Variants in ZNF211 observed in about 807,000 individuals in gnomAD.
ZNF211 encodes zinc finger protein 211.
ZNF211 carries 18 observed loss-of-function variants against 12.1 expected under a neutral mutation model. The ratio of observed to expected loss-of-function variants is 1.48; its 90% CI spans 1.03 to 2.20. ZNF211 has a LOEUF of 2.20. ZNF211 is among the 30% of genes most tolerant of loss of function. The pLI is 0.00. For missense variants in ZNF211, 677 were observed against 703.1 expected (o/e 0.96, Z 0.42); for synonymous variants, 249 against 246.0 (o/e 1.01, Z -0.11).
In ZNF211 at chr19:57,634,118, G is replaced by A. The variant is rs189311314; in HGVS notation, c.129+57G>A. ...CTGGAATGTCCCTCCACCCTCCCCA[G>A]ACAGATATTTTCTTTAGATTTGTGG... On this transcript the variant is annotated intron_variant, in intron 2 of 3. Transcript: ENST00000240731. 1.1e-3 allele frequency: 1,650 copies of A among 1,494,162 alleles called. 6 individuals are homozygous for A. Among genetic ancestry groups the A allele is most frequent in the Non-Finnish European group, 9.8e-4 (1,089 of 1,116,148 alleles). The allele number at this position is 1,494,162 out of a possible 1,614,324, so 92.6% of individuals were successfully genotyped here.
rs1191309160 is a variant in ZNF211, at chr19:57,633,207, C to G, written c.-140C>G. The G allele has an allele frequency of 2.2e-5, 18 of 823,406 alleles. No individual in the cohort carries two copies. Among genetic ancestry groups the G allele is most frequent in the Non-Finnish European group, 3.0e-5 (17 of 563,190 alleles). 51.0% of individuals were successfully genotyped at this position (823,406 alleles called of 1,614,324 possible). ...GGCGTCTTCGCAGCGGTCATTTTGGCTGCCCTCCCGGAGGTCCGTTCTGTC... is the reference window on the plus strand; with the variant it reads ...GGCGTCTTCGCAGCGGTCATTTTGGGTGCCCTCCCGGAGGTCCGTTCTGTC... On this transcript the variant is annotated 5_prime_UTR_variant, in exon 1 of 4. Coordinates refer to ENST00000240731, the MANE Select transcript of ZNF211 (RefSeq NM_006385.5).
rs576804247 is a variant in ZNF211, at chr19:57,642,738, T to C, written c.*557T>C. On this transcript the variant is annotated 3_prime_UTR_variant, in exon 4 of 4. Coordinates refer to ENST00000240731, the MANE Select transcript of ZNF211 (RefSeq NM_006385.5). The stretch of plus-strand genomic sequence containing the variant: ...GCTTGTCTCACGTTGCTTTGTTTTT[T>C]ACAATAATAAAAGCATTATTATTTA... The C allele has an allele frequency of 6.5e-6, 1 of 153,162 alleles. No homozygotes were observed. The highest frequency in any genetic ancestry group is 2.4e-5 in the African/African-American group (1 of 41,592). 9.5% of individuals were successfully genotyped at this position (153,162 alleles called of 1,614,324 possible).
rs1213152958 is a variant in ZNF211, at chr19:57,641,112, G to C, written c.665G>C (p.Gly222Ala). 1 of 1,614,164 alleles carries C rather than the reference G, an allele frequency of 6.2e-7. No homozygotes were observed. Among genetic ancestry groups the C allele is most frequent in the Non-Finnish European group, 8.5e-7 (1 of 1,180,038 alleles). The stretch of plus-strand genomic sequence containing the variant: ...CTCCATCAAGACGCCACTCAAACAG[G>C]GGAGAAGCCAAATAACAGTAACAAG... Reference protein sequence around the residue: ...RFLHQDATQTGEKPNNSNKCA... With the variant: ...RFLHQDATQTAEKPNNSNKCA... Residue 222 changes from glycine (G) to alanine (A), a missense_variant, in exon 4 of 4, where the codon GGG (glycine) becomes GCG (alanine). Physicochemically the swap from Gly to Ala is moderately conservative, Grantham distance 60 (BLOSUM62 0). Coordinates refer to ENST00000240731, the MANE Select transcript of ZNF211 (RefSeq NM_006385.5).
intron 3 of ZNF211, among the ~76,000 whole-genome samples, chr19:57,639,279 T>G (rs1028564173): frequency 6.6e-6 from 1 of 151,602 alleles, no homozygotes; most frequent in African/African-American, 2.4e-5. Context: ...TGCTCTTTGT[T>G]TTCCCCATGT....
intron 3 of ZNF211, among the ~76,000 whole-genome samples, chr19:57,639,547 G>A (rs1982607597): frequency 6.8e-6 from 1 of 147,724 alleles, no homozygotes; most frequent in South Asian, 2.2e-4. Flanking sequence ...AGCCTCCTGA[G>A]TAATCCCTCC....
Position 57,642,013 on chromosome 19 carries a change from T to C in ZNF211, c.1566T>C (p.Tyr522=). The C allele has an allele frequency of 1.9e-6, 3 of 1,614,208 alleles. No homozygotes were observed. Among genetic ancestry groups the C allele is most frequent in the Non-Finnish European group, 2.5e-6 (3 of 1,180,042 alleles). The change falls in exon 4 of 4, where the codon TAT becomes TAC. Residue 522 remains tyrosine (Y), a synonymous_variant. Coordinates refer to ENST00000240731, the MANE Select transcript of ZNF211 (RefSeq NM_006385.5). ...GAGTTCACACTGGAGAAAGGCCTTA[T>C]GAGTGCAGTGAATGTGGGAAATCCT... ...HLRVHTGERP[Y]ECSECGKSFS...
Position 57,633,376 on chromosome 19 carries a change from G to A in ZNF211, c.30G>A (p.Gln10=). The stretch of plus-strand genomic sequence containing the variant: ...TCGGGTTCCCCCCGGGTCGCCCGCA[G>A]CTCCCGGTCCAGCTCCGCCCACAGA... MLGFPPGRP[Q]LPVQLRPQTR... The change falls in exon 1 of 4, where the codon CAG becomes CAA. Residue 10 remains glutamine (Q), a synonymous_variant. Coordinates refer to ENST00000240731, the MANE Select transcript of ZNF211 (RefSeq NM_006385.5). The A allele has an allele frequency of 6.2e-7, 1 of 1,602,102 alleles. No individual in the cohort carries two copies. The highest frequency in any genetic ancestry group is 8.5e-7 in the Non-Finnish European group (1 of 1,177,232).
chr19:57,636,603 T>A (rs1475349262), intron 3 of ZNF211, among the ~76,000 whole-genome samples: 1 of 152,254 alleles, frequency 6.6e-6, no homozygotes, highest in East Asian at 1.9e-4. Flanking sequence ...CACACTGTTT[T>A]AATTTCTATA....
chr19:57,642,458 GTATCATT>G lies in ZNF211; in HGVS notation c.*280_*286del. On this transcript the variant is annotated 3_prime_UTR_variant, in exon 4 of 4. Transcript: ENST00000240731. ...ACCACCTGTGAGGTCCACACAGTGT[GTATCATT>G]TACCTCCTGAACCTGCTCAAGGAAG... 1 of 368,760 alleles carries G rather than the reference GTATCATT, an allele frequency of 2.7e-6. No homozygotes were observed. The highest frequency in any genetic ancestry group is 6.1e-5 in the South Asian group (1 of 16,266). 22.8% of individuals were successfully genotyped at this position (368,760 alleles called of 1,614,324 possible).
chr19:57,638,874 G>A (rs1982478533), intron 3 of ZNF211, among the ~76,000 whole-genome samples: 1 of 152,090 alleles, frequency 6.6e-6, no homozygotes, highest in Admixed American at 6.5e-5. Flanking sequence ...CATGTGTTTT[G>A]ATGGTCTATT....
chr19:57,638,975 C>T (rs1982490203), intron 3 of ZNF211, among the ~76,000 whole-genome samples: 1 of 151,998 alleles, frequency 6.6e-6, no homozygotes, highest in Non-Finnish European at 1.5e-5. Flanking sequence ...CTCTTGTTAC[C>T]CTTTTTGATT....
At position 57,643,061 on chromosome 19, in the gene ZNF211, C is replaced by T. The variant is rs1325740694; in HGVS notation, c.*880C>T. The stretch of plus-strand genomic sequence containing the variant: ...ACCCTGAGGAAGTGGGAAATTGTGA[C>T]AAATTCCATTGCTTCTGGGAACAAG... On this transcript the variant is annotated 3_prime_UTR_variant, in exon 4 of 4. Transcript: ENST00000240731. 6.6e-6 allele frequency among the ~76,000 whole-genome samples: 1 copy of T among 152,114 alleles called. No individual in the cohort carries two copies. The highest frequency in any genetic ancestry group is 2.4e-5 in the African/African-American group (1 of 41,428).
rs10420575 is a variant in ZNF211, at chr19:57,633,180, G to C, written c.-167G>C. 0.086 allele frequency: 52,555 copies of C among 614,390 alleles called. 3,113 individuals are homozygous for C. Among genetic ancestry groups the C allele is most frequent in the African/African-American group, 0.2 (10,511 of 51,882 alleles). The allele number at this position is 614,390 out of a possible 1,614,324, so 38.1% of individuals were successfully genotyped here. ...CCCCGCCCCCCCCAGGGCGGGACTT[G>C]TGGCGTCTTCGCAGCGGTCATTTTG... On this transcript the variant is annotated 5_prime_UTR_variant, in exon 1 of 4. Transcript: ENST00000240731.
chr19:57,640,067 G>T (rs1982691119), intron 3 of ZNF211: 4 of 1,534,882 alleles, frequency 2.6e-6, no homozygotes, highest in Non-Finnish European at 3.5e-6. Flanking sequence ...CATGTCATCA[G>T]GTCTGTGTTT....
At chr19:57,639,942 C>T in intron 3 of ZNF211, 1 of 1,534,136 alleles carries the variant, frequency 6.5e-7, no homozygotes, top group Non-Finnish European at 8.7e-7. Flanking sequence ...CATGTAGTTG[C>T]TCAACTAGGG....
rs769458914 is a variant in ZNF211, at chr19:57,640,736, C to T, written c.289C>T (p.Pro97Ser). ...GTGTGGAGTGGAACATGAGGAAACA[C>T]CTTCTGAACAGAGAATTTCTGGAGA... ...CWCGVEHEET[P>S]SEQRISGERV... The change falls in exon 4 of 4, where the codon CCT becomes TCT. Residue 97 changes from proline (P) to serine (S), a missense_variant. By Grantham distance (74) the Pro-to-Ser change is moderately conservative (BLOSUM62 -1). Coordinates refer to ENST00000240731, the MANE Select transcript of ZNF211 (RefSeq NM_006385.5). 6.8e-6 allele frequency: 11 copies of T among 1,614,154 alleles called. No homozygotes were observed. In the South Asian group the frequency reaches 1.1e-4, roughly 16 times the overall value.
rs1403010968 is a variant in ZNF211 at position 57,642,648 on chromosome 19, A to C, written c.*467A>C. 1 of 156,104 alleles carries C rather than the reference A, an allele frequency of 6.4e-6. No individual in the cohort carries two copies. Among genetic ancestry groups the C allele is most frequent in the Non-Finnish European group, 1.4e-5 (1 of 70,744 alleles). 9.7% of individuals were successfully genotyped at this position (156,104 alleles called of 1,614,324 possible). A position where few individuals can be genotyped will look rare whatever the true frequency, so the allele number is the denominator to read the frequency against. On this transcript the variant is annotated 3_prime_UTR_variant, in exon 4 of 4. Transcript: ENST00000240731. ...CAAGAAGGACTGTCTTTTTCAAGAC[A>C]TACTGGTTTCATGTGACACCTCCAT...
rs1207663843 is a variant in ZNF211, at chr19:57,642,623, CAAG to C, written c.*446_*448del. On this transcript the variant is annotated 3_prime_UTR_variant, in exon 4 of 4. Transcript: ENST00000240731. The stretch of plus-strand genomic sequence containing the variant: ...AATATGAGTGTTGTTGGCAGCTTGC[CAAG>C]AAGGACTGTCTTTTTCAAGACATAC... 2 of 158,560 alleles carry C rather than the reference CAAG, an allele frequency of 1.3e-5. No homozygotes were observed. Among genetic ancestry groups the C allele is most frequent in the African/African-American group, 4.8e-5 (2 of 41,606 alleles). The allele number at this position is 158,560 out of a possible 1,614,324, so 9.8% of individuals were successfully genotyped here.
rs1420780634 is a variant in ZNF211 at position 57,634,760 on chromosome 19, G to A, written c.256+5G>A. On this transcript the variant is annotated splice_donor_5th_base_variant and intron_variant, in intron 3 of 3. Coordinates refer to ENST00000240731, the MANE Select transcript of ZNF211 (RefSeq NM_006385.5). Reference sequence around the variant, plus strand: ...TTGCACTTACGTCCTCCCTGGGTAAGGCCCTCATACTCACCCTTGTGCCCT... The same window carrying A: ...TTGCACTTACGTCCTCCCTGGGTAAAGCCCTCATACTCACCCTTGTGCCCT... 1 of 1,586,808 alleles carries A rather than the reference G, an allele frequency of 6.3e-7. No individual in the cohort carries two copies. The highest frequency in any genetic ancestry group is 2.3e-5 in the East Asian group (1 of 43,714).
Sources: gnomAD v4.1 joint callset for allele counts (sites outside exome capture counted in the v4.1 genomes callset) on GRCh38, gnomAD v4.1.1 for gene constraint, MANE v1.5 for transcripts, NCBI Gene and HGNC (gene_info 2026-07-23, HGNC 2026-07-21) for gene names.